Variants in EXD2 observed in about 807,000 individuals in gnomAD.
EXD2 encodes the protein exonuclease 3'-5' domain containing 2.
In EXD2, 40 loss-of-function variants were observed where a neutral mutation model predicts 62.5. That is an observed-to-expected ratio of 0.64 (90% CI 0.50 to 0.83). The LOEUF (loss-of-function observed/expected upper bound fraction) is 0.83, where lower values mean the gene tolerates loss of function less well. Among genes scored for constraint, EXD2 ranks in the 40% least tolerant of loss-of-function variants. The pLI is 0.00. For missense variants in EXD2, 671 were observed against 761.8 expected, an observed-to-expected ratio of 0.88 and a Z score of 1.40; for synonymous variants, 239 against 291.9, an observed-to-expected ratio of 0.82 and a Z score of 1.85.
In EXD2 at chr14:69,234,892, G is replaced by T; in HGVS notation, c.910G>T (p.Val304Phe). The T allele has an allele frequency of 6.2e-7, 1 of 1,614,200 alleles. No individual in the cohort carries two copies. The change falls in exon 6 of 10, where the codon GTT becomes TTT. Residue 304 changes from valine (V) to phenylalanine (F), a missense_variant. By Grantham distance (50) the Val-to-Phe change is conservative. Coordinates refer to ENST00000685843, the MANE Select transcript of EXD2 (RefSeq NM_001193360.2). ...AGGAATGAGCAGATTGGGAGAAGAG[G>T]TTAATGGGGAAGCAACAGAATCTCA... ...SKGMSRLGEE[V>F]NGEATESQQK... is the part of the protein sequence containing the mutation.
intron 1 of EXD2, among the ~76,000 whole-genome samples, chr14:69,194,170 G>A (rs1331291282): frequency 1.4e-5 from 2 of 146,172 alleles, no homozygotes; most frequent in Non-Finnish European, 3.0e-5. Context: ...TCAGAGTCTC[G>A]CTGTGTCGCC....
At chr14:69,201,656 A>C (rs887062011) in intron 1 of EXD2, among the ~76,000 whole-genome samples, 1 of 142,752 alleles carries the variant, frequency 7.0e-6, no homozygotes, top group African/African-American at 2.6e-5. Context: ...CGTCTCTCTC[A>C]GCAAGTGTTT....
Position 69,209,569 on chromosome 14 carries a change from G to A in EXD2, c.99G>A (p.Arg33=), listed in dbSNP as rs760048337. 1.9e-6 allele frequency: 3 copies of A among 1,550,420 alleles called. No individual in the cohort carries two copies. The highest frequency in any genetic ancestry group is 2.6e-6 in the Non-Finnish European group (3 of 1,146,990). The change falls in exon 3 of 10, where the codon AGG becomes AGA. Residue 33 remains arginine (R), a synonymous_variant. Transcript: ENST00000685843. ...GGAAAGGCATCCAGCGCCGCCGAAG[G>A]AGTAAAACGAGTCCTGTGACCCAAC... The part of the protein sequence containing the change: ...VLWKGIQRRR[R]SKTSPVTQQP...
Position 69,242,190 on chromosome 14 carries a change from G to A in EXD2, c.*1090G>A. The A allele has an allele frequency of 2.5e-6, 1 of 396,808 alleles. No homozygotes were observed. Among genetic ancestry groups the A allele is most frequent in the African/African-American group, 2.1e-5 (1 of 48,668 alleles). 24.6% of individuals were successfully genotyped at this position (396,808 alleles called of 1,614,324 possible). ...TTGAGTATAAAATCGACTTATTAAT[G>A]ATTAGTAATTTTTCTAAAGTATTGG... On this transcript the variant is annotated 3_prime_UTR_variant, in exon 10 of 10. Transcript: ENST00000685843.
intron 2 of EXD2, among the ~76,000 whole-genome samples, chr14:69,206,643 G>A (rs116296658): frequency 0.013 from 2,009 of 151,738 alleles, 43 homozygotes; most frequent in African/African-American, 0.047. Flanking sequence ...ACCACGCCCA[G>A]CTAATTTTTT....
chr14:69,192,601 C>A (rs889840486), intron 1 of EXD2, among the ~76,000 whole-genome samples: 8 of 151,872 alleles, frequency 5.3e-5, no homozygotes, highest in Non-Finnish European at 1.2e-4. Context: ...CCTTCTTTAC[C>A]AGTCCCTTTC....
At chr14:69,210,809 C>T (rs1355215613) in intron 3 of EXD2, among the ~76,000 whole-genome samples, 2 of 150,684 alleles carry the variant, frequency 1.3e-5, no homozygotes, top group Non-Finnish European at 3.0e-5. Context: ...GATCCTGTCT[C>T]GGGGAAAAAA....
At chr14:69,218,421 G>A (rs1437869950) in intron 3 of EXD2, among the ~76,000 whole-genome samples, 8 of 152,120 alleles carry the variant, frequency 5.3e-5, no homozygotes. Context: ...GTTGATTCTG[G>A]ATATTAGCCC....
intron 3 of EXD2, among the ~76,000 whole-genome samples, chr14:69,217,893 T>G (rs1235571524): frequency 6.6e-6 from 1 of 152,260 alleles, no homozygotes; most frequent in Non-Finnish European, 1.5e-5. Context: ...GGCTGCATAG[T>G]ATTCCATGGT....
chr14:69,222,090 A>C (rs968906634), intron 3 of EXD2, among the ~76,000 whole-genome samples: 30 of 151,690 alleles, frequency 2.0e-4, no homozygotes, highest in African/African-American at 7.0e-4. Flanking sequence ...CTATCTCAAA[A>C]AAAAAAAAAA....
intron 8 of EXD2, among the ~76,000 whole-genome samples, chr14:69,237,120 T>G (rs1392789453): frequency 6.6e-6 from 1 of 152,208 alleles, no homozygotes; most frequent in Non-Finnish European, 1.5e-5. Flanking sequence ...TTAGTTCTCC[T>G]TAGAAAATAA....
At chr14:69,222,938 G>C (rs1156949142) in intron 3 of EXD2, among the ~76,000 whole-genome samples, 1 of 152,122 alleles carries the variant, frequency 6.6e-6, no homozygotes, top group Non-Finnish European at 1.5e-5. Flanking sequence ...GAGAATTCAT[G>C]CCTCATATAA....
chr14:69,238,778 G>A (rs947483103), intron 9 of EXD2, among the ~76,000 whole-genome samples: 1 of 152,004 alleles, frequency 6.6e-6, no homozygotes, highest in African/African-American at 2.4e-5. Context: ...GGGACTACAA[G>A]CATGCACCAC....
intron 2 of EXD2, among the ~76,000 whole-genome samples, chr14:69,206,688 C>T (rs1461518757): frequency 1.3e-5 from 2 of 151,472 alleles, no homozygotes; most frequent in Admixed American, 6.6e-5. Flanking sequence ...CACCATGTTG[C>T]CCAGGCTGAT....
Position 69,230,474 on chromosome 14 carries a change from A to G in EXD2, c.593A>G (p.Asn198Ser). 1 of 1,585,446 alleles carries G rather than the reference A, an allele frequency of 6.3e-7. No homozygotes were observed. Among genetic ancestry groups the G allele is most frequent in the Non-Finnish European group, 8.6e-7 (1 of 1,166,392 alleles). ...DLRYLAMRQR[N>S]NLLCNGLSLK... ...ATGGTTTTCTTTGTTTCTTTTAGAAACAATTTGCTCTGTAATGGGCTTAGC... is the reference window on the plus strand; with the variant it reads ...ATGGTTTTCTTTGTTTCTTTTAGAAGCAATTTGCTCTGTAATGGGCTTAGC... The change falls in exon 5 of 10, where the codon AAC (asparagine) becomes AGC (serine). Residue 198 changes from asparagine (N) to serine (S), a missense_variant and splice_region_variant. Transcript: ENST00000685843.
intron 2 of EXD2, among the ~76,000 whole-genome samples, chr14:69,207,545 C>T (rs984744122): frequency 6.6e-6 from 1 of 151,894 alleles, no homozygotes; most frequent in Non-Finnish European, 1.5e-5. Context: ...GTAATAAAAA[C>T]CATACACATT....
Position 69,209,788 on chromosome 14 carries a change from A to C in EXD2, c.318A>C (p.Gly106=). 4.0e-6 allele frequency: 6 copies of C among 1,485,296 alleles called. No individual in the cohort carries two copies. The highest frequency in any genetic ancestry group is 5.4e-6 in the Non-Finnish European group (6 of 1,114,844). The allele number at this position is 1,485,296 out of a possible 1,614,324, so 92.0% of individuals were successfully genotyped here. A position where few individuals can be genotyped will look rare whatever the true frequency, so the allele number is the denominator to read the frequency against. The part of the protein sequence containing the change: ...RSELEDFPVL[G]IDCEWVNLEG... Reference sequence around the variant, plus strand: ...AATTAGAAGATTTTCCAGTACTTGGAATTGACTGTGAGTGGGTAAGTTAAA... The same window carrying C: ...AATTAGAAGATTTTCCAGTACTTGGCATTGACTGTGAGTGGGTAAGTTAAA... The change falls in exon 3 of 10, where the codon GGA becomes GGC. Residue 106 remains glycine (G), a synonymous_variant. Coordinates refer to ENST00000685843, the MANE Select transcript of EXD2 (RefSeq NM_001193360.2).
At position 69,236,089 on chromosome 14, in the gene EXD2, G is replaced by A. The variant is rs1433256096; in HGVS notation, c.1093G>A (p.Gly365Arg). Residue 365 changes from glycine to arginine, a missense_variant, in exon 7 of 10, where the codon GGA becomes AGA. By Grantham distance (125) the Gly-to-Arg change is moderately radical. Transcript: ENST00000685843. ...YDNCFLHAPD[G>R]QPLCTCDRRK... ...TAACTGCTTTCTCCATGCTCCTGAT[G>A]GACAGCCCCTCTGCACTTGTGATAG... is the stretch of plus-strand genomic sequence containing the variant. 7.4e-6 allele frequency: 12 copies of A among 1,614,176 alleles called. No individual in the cohort carries two copies. Among genetic ancestry groups the A allele is most frequent in the Non-Finnish European group, 1.0e-5 (12 of 1,180,030 alleles).
chr14:69,228,699 C>A (rs1262397558), intron 3 of EXD2, 117 bp from the exon 4 acceptor site: 1 of 1,341,610 alleles, frequency 7.5e-7, no homozygotes, highest in Non-Finnish European at 1.0e-6. Context: ...AAAACCTGGT[C>A]AGATGCTACC....
Sources: allele counts gnomAD v4.1 joint callset (sites outside exome capture counted in the v4.1 genomes callset), GRCh38; gene constraint gnomAD v4.1.1; transcripts MANE v1.5; gene names NCBI Gene and HGNC (gene_info 2026-07-23, HGNC 2026-07-21).